SNX8: variants seen among roughly 807,000 people sequenced by gnomAD.
SNX8 encodes sorting nexin 8.
In SNX8, 25 loss-of-function variants were observed where a neutral mutation model predicts 51.6. That is an observed-to-expected ratio of 0.48 (90% confidence interval 0.35 to 0.68). The LOEUF is 0.68. SNX8 is among the 30% of genes least tolerant of loss of function. SNX8 has a pLI of 0.00. For synonymous variants in SNX8, 324 were observed against 277.0 expected, an observed-to-expected ratio of 1.17 and a Z score of -1.68; for missense variants, 695 against 624.0, an observed-to-expected ratio of 1.11 and a Z score of -1.21.
At chr7:2,263,598 C>T (rs184659505) in intron 6 of SNX8, among the ~76,000 whole-genome samples, 3 of 152,346 alleles carry the variant, frequency 2.0e-5, no homozygotes, top group Admixed American at 1.3e-4. Flanking sequence ...CCCCAGGTGA[C>T]ATGTGTGCAC....
chr7:2,276,812 G>A lies in SNX8; in HGVS notation c.300+1288C>T, dbSNP rs1262073712. 3.5e-4 allele frequency among the ~76,000 whole-genome samples: 54 copies of A among 152,200 alleles called. 1 individual carries two copies. The highest frequency in any genetic ancestry group is 3.3e-3 in the Admixed American group (51 of 15,270). ...ATTTAAAAAACTGCCTGGTGTGGTG[G>A]CATCCGCCTGTGGTTCCAGCTACTC... On this transcript the variant is annotated intron_variant, in intron 2 of 10. Transcript: ENST00000222990.
At chr7:2,328,979 G>C (rs549609304) in intron 1 of SNX8, among the ~76,000 whole-genome samples, 3 of 151,960 alleles carry the variant, frequency 2.0e-5, no homozygotes, top group Non-Finnish European at 4.4e-5. Flanking sequence ...CCAGCTATTC[G>C]GGAGGCTGAG....
intron 1 of SNX8, among the ~76,000 whole-genome samples, chr7:2,290,599 G>A (rs187826268): frequency 1.1e-4 from 17 of 152,288 alleles, no homozygotes; most frequent in East Asian, 5.8e-4. Flanking sequence ...TTTAATTCAC[G>A]TGAGCAAGAA....
chr7:2,288,347 TAAAAAAA>T (rs538014195), intron 1 of SNX8: 10 of 120,512 alleles, frequency 8.3e-5, no homozygotes, highest in Admixed American at 1.8e-4. Context: ...AAGACTGTCT[TAAAAAAA>T]AAAAAAAAAA....
At chr7:2,350,422 C>T (rs1003534037) in intron 1 of SNX8, among the ~76,000 whole-genome samples, 1 of 152,184 alleles carries the variant, frequency 6.6e-6, no homozygotes, top group Non-Finnish European at 1.5e-5. Context: ...ATGCAACAAA[C>T]CCATAAAACT....
chr7:2,306,074 G>T (rs1796537566), intron 1 of SNX8, among the ~76,000 whole-genome samples: 1 of 152,136 alleles, frequency 6.6e-6, no homozygotes, highest in Non-Finnish European at 1.5e-5. Flanking sequence ...ATCAGGCTCT[G>T]TAGGGTCTCC....
chr7:2,283,121 A>G (rs1795946435), intron 1 of SNX8, among the ~76,000 whole-genome samples: 1 of 143,878 alleles, frequency 7.0e-6, no homozygotes, highest in African/African-American at 2.5e-5. Context: ...ACTCCGTCTC[A>G]AAAAAAAAAA....
At chr7:2,257,603 C>CG (rs749041990) in intron 8 of SNX8, 89 bp from the exon 9 acceptor site, 2 of 1,574,682 alleles carry the variant, frequency 1.3e-6, no homozygotes, top group South Asian at 2.2e-5. Flanking sequence ...CCCCGCCAGA[C>CG]GGAAGGCCCC....
chr7:2,319,234 G>A (rs1400304107), upstream of SNX8, among the ~76,000 whole-genome samples: 1 of 151,660 alleles, frequency 6.6e-6, no homozygotes, highest in Middle Eastern at 3.2e-3. Context: ...AGCTACTGGG[G>A]AAGAAGCTGA....
At chr7:2,292,406 A>G (rs958787366) in intron 1 of SNX8, among the ~76,000 whole-genome samples, 1 of 152,066 alleles carries the variant, frequency 6.6e-6, no homozygotes, top group Non-Finnish European at 1.5e-5. Flanking sequence ...TGGGATAGGC[A>G]AAGACTTCTT....
At chr7:2,331,184 C>CAAAA (rs71023397) in intron 1 of SNX8, among the ~76,000 whole-genome samples, 21 of 75,718 alleles carry the variant, frequency 2.8e-4, no homozygotes, top group African/African-American at 6.9e-4. Flanking sequence ...GACTCTGTCT[C>CAAAA]AAAAAAAAAA....
intron 1 of SNX8, among the ~76,000 whole-genome samples, chr7:2,352,466 ATAT>A (rs1779167287): frequency 6.6e-6 from 1 of 152,110 alleles, no homozygotes; most frequent in South Asian, 2.1e-4. Context: ...TTATGACAAT[ATAT>A]TGTTATAATT....
chr7:2,265,704 C>G (rs758042739), intron 5 of SNX8, among the ~76,000 whole-genome samples: 2 of 152,090 alleles, frequency 1.3e-5, no homozygotes, highest in African/African-American at 2.4e-5. Context: ...CTGAAAGACT[C>G]TCCACATGGG....
intron 5 of SNX8, among the ~76,000 whole-genome samples, chr7:2,268,950 T>G (rs1584680653): frequency 7.9e-6 from 1 of 126,168 alleles, no homozygotes; most frequent in Non-Finnish European, 1.7e-5. Flanking sequence ...GTCCGGGAGG[T>G]GAGGGGCGCC....
intron 1 of SNX8, among the ~76,000 whole-genome samples, chr7:2,330,138 C>CTTT (rs71023396): frequency 1.9e-5 from 2 of 107,060 alleles, no homozygotes; most frequent in Non-Finnish European, 3.7e-5. Flanking sequence ...GCCCTTTTTT[C>CTTT]TTTTTTTTTT....
intron 1 of SNX8, among the ~76,000 whole-genome samples, chr7:2,352,068 T>C (rs1243547955): frequency 2.6e-5 from 4 of 151,714 alleles, no homozygotes; most frequent in Non-Finnish European, 4.4e-5. Context: ...CCACCATGCC[T>C]GGCTAATTTT....
chr7:2,331,264 G>GA (rs1334978015), intron 1 of SNX8, among the ~76,000 whole-genome samples: 1 of 147,358 alleles, frequency 6.8e-6, no homozygotes, highest in Non-Finnish European at 1.5e-5. Context: ...AATATACATA[G>GA]AAAATTCCAT....
intron 1 of SNX8, among the ~76,000 whole-genome samples, chr7:2,320,072 T>C (rs1273528323): frequency 1.3e-5 from 2 of 152,168 alleles, no homozygotes; most frequent in East Asian, 3.9e-4. Flanking sequence ...ATTTTACATG[T>C]GAGGCCAGGC....
At chr7:2,334,138 A>G (rs762331937) in intron 1 of SNX8, among the ~76,000 whole-genome samples, 1 of 152,142 alleles carries the variant, frequency 6.6e-6, no homozygotes, top group Non-Finnish European at 1.5e-5. Flanking sequence ...GGCACAGGCC[A>G]GGCACGGTGG....
Sources: allele counts gnomAD v4.1 joint callset (sites outside exome capture counted in the v4.1 genomes callset), GRCh38; gene constraint gnomAD v4.1.1; transcripts MANE v1.5; gene names NCBI Gene and HGNC (gene_info 2026-07-23, HGNC 2026-07-21).